Variants in CHD2 observed in about 807,000 individuals in gnomAD.
CHD2 encodes the protein ATP-dependent chromatin remodeler CHD2.
CHD2 carries 28 observed loss-of-function variants against 243.9 expected under a neutral mutation model. The ratio of observed to expected loss-of-function variants is 0.11; its 90% CI spans 0.09 to 0.16. The LOEUF (loss-of-function observed/expected upper bound fraction) is 0.16. Ranked by LOEUF, CHD2 falls within the 10% of genes least tolerant of loss-of-function variation. The probability of loss-of-function intolerance (pLI) is 1.00; values close to 1 mark genes in which losing one functional copy is unlikely to be tolerated. For synonymous variants in CHD2, 775 were observed against 779.0 expected, an observed-to-expected ratio of 0.99 and a Z score of 0.09; for missense variants, 1,386 against 2,209.8, an observed-to-expected ratio of 0.63 and a Z score of 7.47.
At chr15:93,017,025 T>C (rs1185665358) in intron 37 of CHD2, among the ~76,000 whole-genome samples, 1 of 152,166 alleles carries the variant, frequency 6.6e-6, no homozygotes, top group Non-Finnish European at 1.5e-5. Flanking sequence ...ATCAATTTTT[T>C]TACCCATTCA....
At chr15:92,926,228 C>T (rs1369661777) in intron 3 of CHD2, among the ~76,000 whole-genome samples, 2 of 152,224 alleles carry the variant, frequency 1.3e-5, no homozygotes, top group Admixed American at 1.3e-4. Context: ...CTGCCTGGAC[C>T]TCCCAGGGTG....
chr15:93,014,932 T>A, intron 37 of CHD2, 23 bp downstream of exon 37: 2 of 1,592,268 alleles, frequency 1.3e-6, no homozygotes, highest in African/African-American at 1.3e-5. Flanking sequence ...GTGGAGTTTT[T>A]AAAAGAGGTG....
intron 2 of CHD2, among the ~76,000 whole-genome samples, chr15:92,920,311 T>C (rs1223230348): frequency 6.6e-6 from 1 of 152,158 alleles, no homozygotes; most frequent in African/African-American, 2.4e-5. Flanking sequence ...TACTCAGAAA[T>C]ATGGAAAGTG....
rs545365228 is a variant in CHD2, at chr15:93,017,003, A to G, written c.4906+2094A>G. ...CTACTAGGAAAATATAAATTAAAGCAACAATAGGTTAATCAATTTTTTTAC... is the reference window on the plus strand; with the variant it reads ...CTACTAGGAAAATATAAATTAAAGCGACAATAGGTTAATCAATTTTTTTAC... On this transcript the variant is annotated intron_variant, in intron 37 of 38. Transcript: ENST00000394196. Among the ~76,000 whole-genome samples, 11 of 152,352 alleles carry G rather than the reference A, an allele frequency of 7.2e-5. No individual in the cohort carries two copies. The East Asian group carries it at 2.1e-3, about 29-fold the overall frequency.
At chr15:92,902,108 G>A (rs2052536826) in intron 2 of CHD2, 1 of 397,446 alleles carries the variant, frequency 2.5e-6, no homozygotes. Context: ...ATTTCCTGTT[G>A]GTAGATGTAT....
Position 93,009,311 on chromosome 15 carries a change from A to C in CHD2, c.4580A>C (p.Lys1527Thr). 1 of 1,614,106 alleles carries C rather than the reference A, an allele frequency of 6.2e-7. No individual in the cohort carries two copies. The highest frequency in any genetic ancestry group is 8.5e-7 in the Non-Finnish European group (1 of 1,179,970). The change falls in exon 35 of 39, where the codon AAA becomes ACA. Residue 1527 changes from lysine (K) to threonine (T), a missense_variant. This residue lies in a region of CHD2 where 42 missense variants were observed against 47.6 expected (regional missense o/e 0.88). Coordinates refer to ENST00000394196, the MANE Select transcript of CHD2 (RefSeq NM_001271.4). Reference protein sequence around the residue: ...LKAYSDQEHIKLWRRNLWIFV... With the variant: ...LKAYSDQEHITLWRRNLWIFV... Reference sequence around the variant, plus strand: ...GCCTACTCAGATCAGGAGCACATCAAACTCTGGAGGAGGTAACCACTTTGG... The same window carrying C: ...GCCTACTCAGATCAGGAGCACATCACACTCTGGAGGAGGTAACCACTTTGG...
chr15:92,916,102 C>T (rs35782805), intron 2 of CHD2, among the ~76,000 whole-genome samples: 30,937 of 152,146 alleles, frequency 0.2, 3,751 homozygotes, highest in South Asian at 0.35. Context: ...CTACCTATGA[C>T]CTGGAAGCCC....
At chr15:92,918,326 C>A (rs954459792) in intron 2 of CHD2, among the ~76,000 whole-genome samples, 1 of 152,090 alleles carries the variant, frequency 6.6e-6, no homozygotes, top group East Asian at 1.9e-4. Flanking sequence ...TGATTGGAAT[C>A]TGAATTCCCA....
rs747637652 is a variant in CHD2 at position 93,012,430 on chromosome 15, T to A, written c.4678T>A (p.Ser1560Thr). 1.3e-5 allele frequency: 21 copies of A among 1,600,118 alleles called. No homozygotes were observed. The highest frequency in any genetic ancestry group is 1.8e-5 in the Admixed American group (1 of 57,116). ...ATACAAGATGGCTCATAAGAAAAGG[T>A]CTCAAGAAGAAGAGGTAAAGTACAA... Reference protein sequence around the residue: ...KLYKMAHKKRSQEEEEQKKKD... With the variant: ...KLYKMAHKKRTQEEEEQKKKD... Residue 1560 changes from serine (S) to threonine (T), a missense_variant, in exon 36 of 39, where the codon TCT (serine) becomes ACT (threonine). Physicochemically the swap from Ser to Thr is moderately conservative, Grantham distance 58. Around this residue, in one of 19 missense-constraint regions of CHD2, gnomAD observed 11 missense variants for 47.7 expected, o/e 0.23. Transcript: ENST00000394196.
Position 93,025,686 on chromosome 15 carries a change from C to T in CHD2, c.*981C>T, listed in dbSNP as rs2054581298. On this transcript the variant is annotated 3_prime_UTR_variant, in exon 39 of 39. Coordinates refer to ENST00000394196, the MANE Select transcript of CHD2 (RefSeq NM_001271.4). ...GGCAGGCCTGCTGACCAACTTGTTGCAATCACAAAGGTGGGGGTCCTGGTG... is the reference window on the plus strand; with the variant it reads ...GGCAGGCCTGCTGACCAACTTGTTGTAATCACAAAGGTGGGGGTCCTGGTG... 1.3e-5 allele frequency: 2 copies of T among 152,258 alleles called. No individual in the cohort carries two copies. The highest frequency in any genetic ancestry group is 2.4e-5 in the African/African-American group (1 of 41,442). The allele number at this position is 152,258 out of a possible 1,614,324, so 9.4% of individuals were successfully genotyped here. A position where few individuals can be genotyped will look rare whatever the true frequency, so the allele number is the denominator to read the frequency against.
At position 92,998,583 on chromosome 15, in the gene CHD2, G is replaced by C; in HGVS notation, c.3970G>C (p.Gly1324Arg). 6.2e-7 allele frequency: 1 copy of C among 1,613,344 alleles called. No individual in the cohort carries two copies. Residue 1324 changes from glycine to arginine, a missense_variant, in exon 31 of 39, where the codon GGT (glycine) becomes CGT (arginine). Physicochemically the swap from Gly to Arg is moderately radical, Grantham distance 125. Transcript: ENST00000394196. This position sits in a 1 kb window ranked among gnomAD's most constrained non-coding sequence, Gnocchi z 5.1. ...TTACTTGTTGAAGCTGCTCAGAAAG[G>C]GTCTGGAGAAGAAGGGGGCTGTGAC... ...ADYLLKLLRKGLEKKGAVTGG... is the reference protein window; with the variant it reads ...ADYLLKLLRKRLEKKGAVTGG...
intron 2 of CHD2, among the ~76,000 whole-genome samples, chr15:92,905,978 G>A (rs2052614152): frequency 6.6e-6 from 1 of 152,074 alleles, no homozygotes; most frequent in Admixed American, 6.5e-5. Context: ...CCTAAAACTG[G>A]GGTCAAAGTA....
At chr15:92,930,934 C>T (rs562779589) in intron 5 of CHD2, among the ~76,000 whole-genome samples, 4 of 152,128 alleles carry the variant, frequency 2.6e-5, no homozygotes, top group East Asian at 1.9e-4. Context: ...GGCTAGCCTT[C>T]GTTTCTGCTA....
chr15:93,006,320 T>C (rs1423626205), intron 34 of CHD2, among the ~76,000 whole-genome samples: 1 of 151,870 alleles, frequency 6.6e-6, no homozygotes, highest in Non-Finnish European at 1.5e-5. Flanking sequence ...AGATATGAGG[T>C]TTCACCATGT....
At chr15:93,000,691 T>C in intron 32 of CHD2, 51 bp downstream of exon 32, 1 of 1,544,082 alleles carries the variant, frequency 6.5e-7, no homozygotes, top group Non-Finnish European at 8.8e-7. Context: ...TAGCTATACT[T>C]ATCATGCCAG....
rs1015560113 is a variant in CHD2, at chr15:92,997,216, C to T, written c.3735-37C>T. 5 of 1,611,350 alleles carry T rather than the reference C, an allele frequency of 3.1e-6. No individual in the cohort carries two copies. The highest frequency in any genetic ancestry group is 4.2e-6 in the Non-Finnish European group (5 of 1,179,282). On this transcript the variant is annotated intron_variant, in intron 29 of 38. Coordinates refer to ENST00000394196, the MANE Select transcript of CHD2 (RefSeq NM_001271.4). The surrounding 1 kb of genome is among the most constrained non-coding windows in gnomAD (Gnocchi z 4.1). ...CTTCTTTAACATACCAAAAAGGCCC[C>T]TCTTCTAATGTCTTCCTGTTTTTAA...
chr15:92,984,584 T>G, intron 25 of CHD2, 84 bp downstream of exon 25: 134 of 1,234,116 alleles, frequency 1.1e-4, no homozygotes, highest in Non-Finnish European at 1.3e-4. Context: ...GAAGAGGCCT[T>G]GCATTGTTCC....
intron 2 of CHD2, among the ~76,000 whole-genome samples, chr15:92,912,542 GT>G (rs2052756736): frequency 6.6e-6 from 1 of 151,902 alleles, no homozygotes; most frequent in African/African-American, 2.4e-5. Flanking sequence ...TTTTTGTTTT[GT>G]TTTGTTTTGA....
At chr15:92,983,679 A>C (rs1596435605) in intron 24 of CHD2, among the ~76,000 whole-genome samples, 1 of 152,318 alleles carries the variant, frequency 6.6e-6, no homozygotes, top group East Asian at 1.9e-4. Flanking sequence ...TGGGATACCT[A>C]CTGTTTTAGT....
Sources: gnomAD v4.1 joint callset for allele counts (sites outside exome capture counted in the v4.1 genomes callset) on GRCh38, gnomAD v4.1.1 for gene constraint, gnomAD v4.1.1 regional missense constraint, Gnocchi (gnomAD v3.1) non-coding constraint, MANE v1.5 for transcripts, NCBI Gene and HGNC (gene_info 2026-07-23, HGNC 2026-07-21) for gene names.